The following KCNQ1 variants were observed in gnomAD, a reference collection of about 807,000 sequenced individuals.
KCNQ1 encodes the protein potassium voltage-gated channel subfamily Q member 1.
KCNQ1 carries 49 observed loss-of-function variants against 72.4 expected under a neutral mutation model. The ratio of observed to expected loss-of-function variants is 0.68; its 90% CI spans 0.54 to 0.86. The LOEUF (loss-of-function observed/expected upper bound fraction) is 0.86, where lower values mean the gene tolerates loss of function less well. KCNQ1 is among the 40% of genes least tolerant of loss of function. The pLI, the probability that KCNQ1 is intolerant of heterozygous loss-of-function variation, is 0.00. For synonymous variants in KCNQ1, 450 were observed against 412.6 expected (o/e 1.09, Z -1.10); for missense variants, 790 against 945.1 (o/e 0.84, Z 2.15).
rs1847147473 is a variant in KCNQ1 at position 2,508,825 on chromosome 11, T to C, written c.387-19103T>C. ...GCTCTCATACAGGCTTGAGGAGGGC[T>C]AAGGAAAGTCACAGTTGAATGCATG... On this transcript the variant is annotated intron_variant, in intron 1 of 15. Coordinates refer to ENST00000155840, the MANE Select transcript of KCNQ1 (RefSeq NM_000218.3). The surrounding 1 kb of genome is among the most constrained non-coding windows in gnomAD (Gnocchi z 6.2). Among the ~76,000 whole-genome samples, 1 of 152,190 alleles carries C rather than the reference T, an allele frequency of 6.6e-6. No homozygotes were observed. The highest frequency in any genetic ancestry group is 1.5e-5 in the Non-Finnish European group (1 of 68,034).
In KCNQ1 at chr11:2,827,162, A is replaced by G. The variant is rs1280889740; in HGVS notation, c.1795-20605A>G. Among the ~76,000 whole-genome samples, 2 of 152,080 alleles carry G rather than the reference A, an allele frequency of 1.3e-5. No homozygotes were observed. The highest frequency in any genetic ancestry group is 2.9e-5 in the Non-Finnish European group (2 of 68,008). ...CTGTCCCCCAGGTAGGAGATAAGGG[A>G]CCAGAGTCAGGGCAGGTGGGAGAAG... On this transcript the variant is annotated intron_variant, in intron 15 of 15. Transcript: ENST00000155840. This position sits in a 1 kb window ranked among gnomAD's most constrained non-coding sequence, Gnocchi z 6.7.
At position 2,608,102 on chromosome 11, in the gene KCNQ1, G is replaced by A. The variant is rs1294504962; in HGVS notation, c.1393+19248G>A. ...AGTTCTCTTTTCATGTTTTTGTCTG[G>A]TTTTGGTGTCAGGGTGATACTGGAC... On this transcript the variant is annotated intron_variant, in intron 10 of 15. Transcript: ENST00000155840. This position sits in a 1 kb window ranked among gnomAD's most constrained non-coding sequence, Gnocchi z 4.6. Among the ~76,000 whole-genome samples, 1 of 152,128 alleles carries A rather than the reference G, an allele frequency of 6.6e-6. No individual in the cohort carries two copies. Among genetic ancestry groups the A allele is most frequent in the Non-Finnish European group, 1.5e-5 (1 of 68,010 alleles).
intron 11 of KCNQ1, chr11:2,697,049 A>G (rs765033724): frequency 2.0e-5 from 8 of 398,434 alleles, no homozygotes; most frequent in Middle Eastern, 6.2e-4. Flanking sequence ...CTTTCAGGAA[A>G]GGTCAAAAAC....
chr11:2,783,559 G>A lies in KCNQ1; in HGVS notation c.1794+5522G>A, dbSNP rs542656228. 6.6e-6 allele frequency among the ~76,000 whole-genome samples: 1 copy of A among 152,132 alleles called. No homozygotes were observed. The highest frequency in any genetic ancestry group is 6.5e-5 in the Admixed American group (1 of 15,286). ...CTGAGAAGGCATAGGGCAAATTTCT[G>A]TTTAACTTTCTAAGAAACTTCTAAA... is the stretch of plus-strand genomic sequence containing the variant. On this transcript the variant is annotated intron_variant, in intron 15 of 15. Transcript: ENST00000155840. The surrounding 1 kb of genome is among the most constrained non-coding windows in gnomAD (Gnocchi z 5.2).
intron 10 of KCNQ1, among the ~76,000 whole-genome samples, chr11:2,596,321 G>A (rs923153455): frequency 9.9e-5 from 15 of 152,072 alleles, no homozygotes; most frequent in African/African-American, 3.4e-4. Context: ...ATTCTACAGC[G>A]ATTCTATTCC....
chr11:2,798,368 A>C (rs1193309854), intron 15 of KCNQ1, among the ~76,000 whole-genome samples: 1 of 152,148 alleles, frequency 6.6e-6, no homozygotes, highest in East Asian at 1.9e-4. Flanking sequence ...CAGTCCTCAG[A>C]ACTCACCTGC....
intron 10 of KCNQ1, chr11:2,632,046 AGCAGCGTG>A: frequency 2.5e-6 from 1 of 396,132 alleles, no homozygotes; most frequent in Non-Finnish European, 4.4e-6. Context: ...AGCCAGGCAT[AGCAGCGTG>A]TGCCTGTAGT....
At chr11:2,796,019 G>T (rs1026335945) in intron 15 of KCNQ1, among the ~76,000 whole-genome samples, 3 of 152,160 alleles carry the variant, frequency 2.0e-5, no homozygotes, top group Admixed American at 1.3e-4. Flanking sequence ...GAGAGCCACC[G>T]ACATTTCTTA....
chr11:2,665,839 G>C (rs892902899), intron 11 of KCNQ1: 2 of 398,544 alleles, frequency 5.0e-6, no homozygotes, highest in African/African-American at 2.1e-5. Flanking sequence ...TGAGGCACAG[G>C]GCTAGGGGCC....
At chr11:2,779,105 G>A (rs979674472) in intron 15 of KCNQ1, among the ~76,000 whole-genome samples, 3 of 152,244 alleles carry the variant, frequency 2.0e-5, no homozygotes, top group African/African-American at 7.2e-5. Flanking sequence ...CATGGGCCTG[G>A]CCACCCTCTG....
At chr11:2,496,319 C>A (rs1846915047) in intron 1 of KCNQ1, among the ~76,000 whole-genome samples, 2 of 152,018 alleles carry the variant, frequency 1.3e-5, no homozygotes, top group Admixed American at 1.3e-4. Context: ...CACCTGTAGT[C>A]CCAGCTACTC....
chr11:2,525,546 G>A (rs889845548), intron 1 of KCNQ1, among the ~76,000 whole-genome samples: 11 of 152,272 alleles, frequency 7.2e-5, no homozygotes, highest in African/African-American at 2.4e-4. Context: ...AAGCAGTGTG[G>A]AGGGTGGGGG....
Position 2,491,196 on chromosome 11 carries a change from A to G in KCNQ1, c.387-36732A>G, listed in dbSNP as rs986842471. 6.6e-6 allele frequency among the ~76,000 whole-genome samples: 1 copy of G among 152,240 alleles called. No homozygotes were observed. Among genetic ancestry groups the G allele is most frequent in the Non-Finnish European group, 1.5e-5 (1 of 68,044 alleles). ...ATAAATACCTAACTCTTTAATGCCT[A>G]GACACCAATGAACAAGACCATCTAG... On this transcript the variant is annotated intron_variant, in intron 1 of 15. Coordinates refer to ENST00000155840, the MANE Select transcript of KCNQ1 (RefSeq NM_000218.3). The surrounding 1 kb of genome is among the most constrained non-coding windows in gnomAD (Gnocchi z 4.1).
chr11:2,768,848 C>A lies in KCNQ1; in HGVS notation c.1519C>A (p.Arg507=). 1.2e-6 allele frequency: 2 copies of A among 1,613,782 alleles called. No individual in the cohort carries two copies. ...CCTCTCCTCTCTCCACTGCAGGCTG[C>A]GGGAACACCATCGGGCCACCATTAA... ...LTPITHISQL[R]EHHRATIKVI... The change falls in exon 12 of 16, where the codon CGG becomes AGG. Residue 507 remains arginine (R), a synonymous_variant. Transcript: ENST00000155840. This position sits in a 1 kb window ranked among gnomAD's most constrained non-coding sequence, Gnocchi z 6.7.
chr11:2,734,115 C>T lies in KCNQ1; in HGVS notation c.1515-34729C>T, dbSNP rs1193730454. On this transcript the variant is annotated intron_variant, in intron 11 of 15. Coordinates refer to ENST00000155840, the MANE Select transcript of KCNQ1 (RefSeq NM_000218.3). This position sits in a 1 kb window ranked among gnomAD's most constrained non-coding sequence, Gnocchi z 7.0. ...CAGGCACAGTTTCAAGCTTGTCTAG[C>T]ACTGGCAGGGGTGGTCCTGCTCCGG... Among the ~76,000 whole-genome samples the T allele has an allele frequency of 1.3e-5, 2 of 152,122 alleles. No homozygotes were observed. The highest frequency in any genetic ancestry group is 2.4e-5 in the African/African-American group (1 of 41,412).
intron 7 of KCNQ1, among the ~76,000 whole-genome samples, chr11:2,584,075 G>A (rs1393533938): frequency 6.6e-6 from 1 of 152,190 alleles, no homozygotes; most frequent in Non-Finnish European, 1.5e-5. Flanking sequence ...CTATGGGTAT[G>A]TGTATATGTA....
At position 2,813,617 on chromosome 11, in the gene KCNQ1, G is replaced by A. The variant is rs911930049; in HGVS notation, c.1795-34150G>A. Among the ~76,000 whole-genome samples the A allele has an allele frequency of 6.6e-6, 1 of 152,060 alleles. No homozygotes were observed. The highest frequency in any genetic ancestry group is 1.5e-5 in the Non-Finnish European group (1 of 68,022). Reference sequence around the variant, plus strand: ...GCAGGGACTCAAAGGATGAGAGAAGGAACAGAGGGGAGGACCAACATCTCG... The same window carrying A: ...GCAGGGACTCAAAGGATGAGAGAAGAAACAGAGGGGAGGACCAACATCTCG... On this transcript the variant is annotated intron_variant, in intron 15 of 15. Transcript: ENST00000155840. The surrounding 1 kb of genome is among the most constrained non-coding windows in gnomAD (Gnocchi z 4.4).
In KCNQ1 at chr11:2,663,765, A is replaced by C. The variant is rs1240959665; in HGVS notation, c.1514+1684A>C. The C allele has an allele frequency of 2.5e-6, 1 of 398,594 alleles. No individual in the cohort carries two copies. The highest frequency in any genetic ancestry group is 4.4e-6 in the Non-Finnish European group (1 of 226,114). 24.7% of individuals were successfully genotyped at this position (398,594 alleles called of 1,614,324 possible). A position where few individuals can be genotyped will look rare whatever the true frequency, so the allele number is the denominator to read the frequency against. On this transcript the variant is annotated intron_variant, in intron 11 of 15. Transcript: ENST00000155840. The surrounding 1 kb of genome is among the most constrained non-coding windows in gnomAD (Gnocchi z 5.2). ...GAGAGACCAGGCACTTATGTGGATC[A>C]CAGCCAAACTTGCAGCTGCCCAGTA... is the stretch of plus-strand genomic sequence containing the variant.
rs987545305 is a variant in KCNQ1 at position 2,711,603 on chromosome 11, G to A, written c.1514+49522G>A. Among the ~76,000 whole-genome samples, 4 of 152,066 alleles carry A rather than the reference G, an allele frequency of 2.6e-5. No homozygotes were observed. Among genetic ancestry groups the A allele is most frequent in the African/African-American group, 7.2e-5 (3 of 41,408 alleles). ...ATCCCACCAACCTCTGTACCCCACG[G>A]CCATGCACAAGGCACAGGGTCCCAC... On this transcript the variant is annotated intron_variant, in intron 11 of 15. Coordinates refer to ENST00000155840, the MANE Select transcript of KCNQ1 (RefSeq NM_000218.3). The surrounding 1 kb of genome is among the most constrained non-coding windows in gnomAD (Gnocchi z 5.4).
Sources: gnomAD v4.1 joint callset for allele counts (sites outside exome capture counted in the v4.1 genomes callset) on GRCh38, gnomAD v4.1.1 for gene constraint, Gnocchi (gnomAD v3.1) non-coding constraint, MANE v1.5 for transcripts, NCBI Gene and HGNC (gene_info 2026-07-23, HGNC 2026-07-21) for gene names.